Variants in RERE observed in about 807,000 individuals in gnomAD.
The protein encoded by RERE is arginine-glutamic acid dipeptide repeats, also known as arginine-glutamic acid dipeptide repeats protein.
Under a neutral mutation model 146.1 loss-of-function variants are expected in RERE, and 40 were observed. The ratio of observed to expected loss-of-function variants is 0.27; its 90% CI spans 0.21 to 0.36. The LOEUF (loss-of-function observed/expected upper bound fraction) is 0.36, where lower values mean the gene tolerates loss of function less well. Among genes scored for constraint, RERE ranks in the 10% least tolerant of loss-of-function variants. RERE has a pLI of 1.00. For missense variants in RERE, 1,933 were observed against 2,138.7 expected (o/e 0.90, Z 1.90); for synonymous variants, 1,003 against 866.0 (o/e 1.16, Z -2.78).
At chr1:8,748,414 G>A (rs1386457194) in intron 1 of RERE, among the ~76,000 whole-genome samples, 2 of 152,116 alleles carry the variant, frequency 1.3e-5, no homozygotes, top group Non-Finnish European at 1.5e-5. Context: ...TCTAAACTCA[G>A]TTACCACAAT....
chr1:8,606,148 T>C (rs1646706237), intron 4 of RERE, among the ~76,000 whole-genome samples: 1 of 152,154 alleles, frequency 6.6e-6, no homozygotes, highest in Admixed American at 6.5e-5. Flanking sequence ...TAGGTGAAGC[T>C]AGTATCCAAC....
chr1:8,511,962 A>C (rs1160572347), intron 7 of RERE: 1 of 137,110 alleles, frequency 7.3e-6, no homozygotes, highest in Non-Finnish European at 1.5e-5. Context: ...TTCACACCTC[A>C]CTCATTAATG....
intron 2 of RERE, among the ~76,000 whole-genome samples, chr1:8,631,190 T>G (rs77666810): frequency 0.028 from 4,194 of 152,290 alleles, 174 homozygotes; most frequent in African/African-American, 0.095. Flanking sequence ...AATCTCCCAA[T>G]GTATTGAAAA....
At chr1:8,430,624 G>A (rs1404716094) in intron 11 of RERE, among the ~76,000 whole-genome samples, 4 of 152,136 alleles carry the variant, frequency 2.6e-5, no homozygotes, top group Non-Finnish European at 5.9e-5. Context: ...CAGCCCACAG[G>A]CCACATCCTC....
chr1:8,620,477 T>C (rs1646903978), intron 3 of RERE, among the ~76,000 whole-genome samples: 1 of 152,204 alleles, frequency 6.6e-6, no homozygotes, highest in South Asian at 2.1e-4. Context: ...TTTTTACAGA[T>C]ATATTAGGGG....
intron 2 of RERE, among the ~76,000 whole-genome samples, chr1:8,634,136 A>T (rs1036227393): frequency 1.8e-4 from 28 of 152,106 alleles, no homozygotes; most frequent in Non-Finnish European, 4.4e-5. Flanking sequence ...AGACACATTC[A>T]ATCAAGACCA....
At chr1:8,443,467 A>AAG (rs1460319864) in intron 11 of RERE, among the ~76,000 whole-genome samples, 4 of 148,990 alleles carry the variant, frequency 2.7e-5, no homozygotes, top group Admixed American at 2.0e-4. Flanking sequence ...AAGAAAAAAA[A>AAG]AAAAAAAAAA....
chr1:8,727,526 G>A (rs561683941), intron 1 of RERE, among the ~76,000 whole-genome samples: 24 of 151,406 alleles, frequency 1.6e-4, no homozygotes, highest in Non-Finnish European at 2.9e-4. Flanking sequence ...ACAGCGTCTC[G>A]CTCTGTCGCC....
At chr1:8,551,177 GA>G (rs1645930986) in intron 6 of RERE, among the ~76,000 whole-genome samples, 1 of 152,150 alleles carries the variant, frequency 6.6e-6, no homozygotes, top group Admixed American at 6.5e-5. Context: ...CAGAAAGCTG[GA>G]AAACAGTCCT....
chr1:8,541,356 A>G (rs767577366), intron 6 of RERE, 38 bp from the exon 7 acceptor site: 1 of 1,367,820 alleles, frequency 7.3e-7, no homozygotes, highest in Non-Finnish European at 1.0e-6. Flanking sequence ...TAATACCCTC[A>G]ACTGCTTTTG....
intron 11 of RERE, among the ~76,000 whole-genome samples, chr1:8,433,062 T>C (rs1644117109): frequency 6.6e-6 from 1 of 152,216 alleles, no homozygotes; most frequent in Non-Finnish European, 1.5e-5. Context: ...GATTATATGC[T>C]GTATGCTGGA....
At chr1:8,371,513 C>G (rs1642036243) in intron 12 of RERE, among the ~76,000 whole-genome samples, 1 of 152,190 alleles carries the variant, frequency 6.6e-6, no homozygotes, top group Admixed American at 6.5e-5. Context: ...AAGGAAAAAG[C>G]TAAGGATGCA....
intron 1 of RERE, among the ~76,000 whole-genome samples, chr1:8,673,059 A>C (rs1193923251): frequency 6.6e-6 from 1 of 152,184 alleles, no homozygotes; most frequent in Non-Finnish European, 1.5e-5. Context: ...ACATTCAAGA[A>C]TAAAATAACT....
chr1:8,782,952 G>C (rs1359280390), intron 1 of RERE, among the ~76,000 whole-genome samples: 1 of 152,060 alleles, frequency 6.6e-6, no homozygotes, highest in Non-Finnish European at 1.5e-5. Context: ...TCCCATGTCA[G>C]CTCCTGACAA....
At chr1:8,441,122 T>C (rs1644242498) in intron 11 of RERE, among the ~76,000 whole-genome samples, 2 of 151,848 alleles carry the variant, frequency 1.3e-5, no homozygotes, top group African/African-American at 2.4e-5. Flanking sequence ...GCAGCCCGGT[T>C]TCCTGCCCCA....
chr1:8,681,021 C>A, intron 1 of RERE, among the ~76,000 whole-genome samples: 1 of 152,124 alleles, frequency 6.6e-6, no homozygotes, highest in Non-Finnish European at 1.5e-5. Flanking sequence ...GAGTGGAGAG[C>A]CGGAGAATGG....
chr1:8,628,719 T>C (rs1488748765), intron 2 of RERE, among the ~76,000 whole-genome samples: 1 of 152,206 alleles, frequency 6.6e-6, no homozygotes, highest in Non-Finnish European at 1.5e-5. Flanking sequence ...AAGTGCTTTA[T>C]TTGAAAAGGG....
At chr1:8,687,541 G>T (rs1321032698) in intron 1 of RERE, among the ~76,000 whole-genome samples, 1 of 152,150 alleles carries the variant, frequency 6.6e-6, no homozygotes, top group East Asian at 1.9e-4. Context: ...AGACATAAAG[G>T]CTGACTCTGA....
chr1:8,560,646 G>A (rs995900674), intron 4 of RERE, among the ~76,000 whole-genome samples: 1 of 152,130 alleles, frequency 6.6e-6, no homozygotes, highest in Non-Finnish European at 1.5e-5. Context: ...TGAAAGAATA[G>A]AAAAGACAGA....
Sources: allele counts gnomAD v4.1 joint callset (sites outside exome capture counted in the v4.1 genomes callset), GRCh38; gene constraint gnomAD v4.1.1; transcripts MANE v1.5; gene names NCBI Gene and HGNC (gene_info 2026-07-23, HGNC 2026-07-21).